NSMCE2: variants seen among roughly 807,000 people sequenced by gnomAD.
NSMCE2 encodes E3 SUMO-protein ligase NSE2.
Under a neutral mutation model 23.8 loss-of-function variants are expected in NSMCE2, and 24 were observed. The observed-to-expected ratio is 1.01, with a 90% CI of 0.73 to 1.42. The LOEUF is 1.42. Ranked by LOEUF, NSMCE2 falls within the 40% of genes most tolerant of loss-of-function variation. The pLI is 0.00. For synonymous variants in NSMCE2, 92 were observed against 94.1 expected (o/e 0.98, Z 0.13); for missense variants, 284 against 296.5 (o/e 0.96, Z 0.31).
At chr8:125,355,607 G>A (rs563688738) in intron 5 of NSMCE2, among the ~76,000 whole-genome samples, 1 of 150,962 alleles carries the variant, frequency 6.6e-6, no homozygotes, top group Admixed American at 6.6e-5. Flanking sequence ...GGCTGAGGCA[G>A]GAGAATCACT....
At chr8:125,302,826 A>G (rs975917458) in intron 5 of NSMCE2, among the ~76,000 whole-genome samples, 2 of 152,200 alleles carry the variant, frequency 1.3e-5, no homozygotes, top group Non-Finnish European at 2.9e-5. Flanking sequence ...GACTAATCTT[A>G]GCCTCCACTT....
intron 5 of NSMCE2, among the ~76,000 whole-genome samples, chr8:125,310,345 G>A (rs959548956): frequency 2.0e-5 from 3 of 152,040 alleles, no homozygotes; most frequent in African/African-American, 7.2e-5. Context: ...CTGAAATGGG[G>A]ATTGGAATTG....
At chr8:125,258,459 C>G (rs1025944583) in intron 5 of NSMCE2, among the ~76,000 whole-genome samples, 3 of 151,616 alleles carry the variant, frequency 2.0e-5, no homozygotes, top group Non-Finnish European at 2.9e-5. Context: ...TTCACCCCCG[C>G]TCCCCCCACC....
intron 5 of NSMCE2, among the ~76,000 whole-genome samples, chr8:125,344,019 A>C (rs955744012): frequency 2.0e-5 from 3 of 152,138 alleles, no homozygotes; most frequent in African/African-American, 7.2e-5. Flanking sequence ...CAAACAACAA[A>C]AAAAATTACA....
At chr8:125,252,484 C>T (rs544823047) in intron 5 of NSMCE2, among the ~76,000 whole-genome samples, 2 of 152,288 alleles carry the variant, frequency 1.3e-5, no homozygotes, top group Non-Finnish European at 2.9e-5. Context: ...TGAGATCCCG[C>T]CACTGCACTC....
chr8:125,218,253 G>C (rs1824688336), intron 5 of NSMCE2, among the ~76,000 whole-genome samples: 1 of 152,110 alleles, frequency 6.6e-6, no homozygotes. Context: ...CTGTAGCTTA[G>C]ATTATTCTAC....
chr8:125,153,288 T>G (rs1821140525), intron 4 of NSMCE2, among the ~76,000 whole-genome samples: 1 of 152,196 alleles, frequency 6.6e-6, no homozygotes, highest in African/African-American at 2.4e-5. Context: ...TTGGATTTAG[T>G]GATTCCGATG....
chr8:125,338,227 C>G (rs1830124800), intron 5 of NSMCE2, among the ~76,000 whole-genome samples: 2 of 150,588 alleles, frequency 1.3e-5, no homozygotes. Context: ...CCATTTTCTT[C>G]TAAATGGCAA....
At chr8:125,130,387 G>GT (rs1237184363) in intron 3 of NSMCE2, 6 of 395,776 alleles carry the variant, frequency 1.5e-5, no homozygotes, top group African/African-American at 6.2e-5. Context: ...TCTACATACT[G>GT]TTTTTTGGAA....
At chr8:125,115,880 A>G (rs1244621673) in intron 3 of NSMCE2, among the ~76,000 whole-genome samples, 1 of 152,234 alleles carries the variant, frequency 6.6e-6, no homozygotes, top group East Asian at 1.9e-4. Context: ...ATAGGCAAGT[A>G]TGAAATAAAG....
At chr8:125,317,697 A>G (rs1829266565) in intron 5 of NSMCE2, among the ~76,000 whole-genome samples, 1 of 152,190 alleles carries the variant, frequency 6.6e-6, no homozygotes, top group Non-Finnish European at 1.5e-5. Flanking sequence ...TACAGGGGAG[A>G]AAAGAAACTA....
At chr8:125,285,756 G>GCA (rs10550331) in intron 5 of NSMCE2, among the ~76,000 whole-genome samples, 54 of 149,386 alleles carry the variant, frequency 3.6e-4, no homozygotes, top group South Asian at 1.5e-3. Context: ...TCATACACAC[G>GCA]CACACACACA....
At chr8:125,272,699 G>T (rs1036033232) in intron 5 of NSMCE2, among the ~76,000 whole-genome samples, 1 of 125,460 alleles carries the variant, frequency 8.0e-6, no homozygotes, top group Non-Finnish European at 1.6e-5. Context: ...AGCTACTTGG[G>T]ATATATATAT....
At chr8:125,242,495 C>G (rs780450588) in intron 5 of NSMCE2, among the ~76,000 whole-genome samples, 4 of 152,018 alleles carry the variant, frequency 2.6e-5, no homozygotes, top group Non-Finnish European at 5.9e-5. Flanking sequence ...CACTGCAGAC[C>G]ACCAAGAAAA....
chr8:125,299,214 A>C (rs1279624445), intron 5 of NSMCE2, among the ~76,000 whole-genome samples: 1 of 152,226 alleles, frequency 6.6e-6, no homozygotes, highest in East Asian at 1.9e-4. Flanking sequence ...TCTAGTTGAT[A>C]CAGGATTCTC....
intron 3 of NSMCE2, among the ~76,000 whole-genome samples, chr8:125,106,045 C>CAT (rs1241317484): frequency 9.0e-6 from 1 of 110,700 alleles, no homozygotes; most frequent in Non-Finnish European, 1.7e-5. Flanking sequence ...TGTGTGTGTG[C>CAT]ATACACACAC....
At chr8:125,355,895 T>G (rs893748373) in intron 5 of NSMCE2, among the ~76,000 whole-genome samples, 1 of 152,134 alleles carries the variant, frequency 6.6e-6, no homozygotes, top group South Asian at 2.1e-4. Context: ...AACATCAGTT[T>G]CAGAAGCAGC....
chr8:125,244,567 A>G (rs897741584), intron 5 of NSMCE2, among the ~76,000 whole-genome samples: 5 of 152,224 alleles, frequency 3.3e-5, no homozygotes, highest in African/African-American at 1.2e-4. Flanking sequence ...ATATGATCCA[A>G]AGGTACATCT....
chr8:125,252,999 G>T (rs1370146861), intron 5 of NSMCE2, among the ~76,000 whole-genome samples: 2 of 152,182 alleles, frequency 1.3e-5, no homozygotes, highest in African/African-American at 4.8e-5. Flanking sequence ...ATTGTTGTAA[G>T]GATTAAATGA....
Sources: allele counts gnomAD v4.1 joint callset (sites outside exome capture counted in the v4.1 genomes callset), GRCh38; gene constraint gnomAD v4.1.1; transcripts MANE v1.5; gene names NCBI Gene and HGNC (gene_info 2026-07-23, HGNC 2026-07-21).